The following GMNC variants were observed in gnomAD, a reference collection of about 807,000 sequenced individuals.
The protein encoded by GMNC is geminin coiled-coil domain-containing protein 1.
Under a neutral mutation model 33.6 loss-of-function variants are expected in GMNC, and 16 were observed. The observed-to-expected ratio is 0.48, with a 90% CI of 0.32 to 0.72. GMNC has a LOEUF of 0.72. GMNC is among the 30% of genes least tolerant of loss of function. The pLI is 0.03. For missense variants in GMNC, 393 were observed against 388.9 expected, an observed-to-expected ratio of 1.01 and a Z score of -0.09; for synonymous variants, 156 against 147.3, an observed-to-expected ratio of 1.06 and a Z score of -0.43.
At chr3:190,858,720 T>G (rs1006616785) in intron 3 of GMNC, among the ~76,000 whole-genome samples, 1 of 152,210 alleles carries the variant, frequency 6.6e-6, no homozygotes, top group Non-Finnish European at 1.5e-5. Context: ...AAGTGAGAGC[T>G]TGACTGCAGG....
rs2108534808 is a variant in GMNC at position 190,861,974 on chromosome 3, AAAGTT to A, written c.3+634_3+638del. Among the ~76,000 whole-genome samples the A allele has an allele frequency of 6.6e-6, 1 of 152,304 alleles. No homozygotes were observed. The highest frequency in any genetic ancestry group is 2.4e-5 in the African/African-American group (1 of 41,560). Reference sequence around the variant, plus strand: ...CAAATAAGAAGAAAAAAGAGAAAAAAAAGTTAAGTCAATTCAATCGCACTTTGTTA... The same window carrying A: ...CAAATAAGAAGAAAAAAGAGAAAAAAAAGTCAATTCAATCGCACTTTGTTA... On this transcript the variant is annotated intron_variant, in intron 1 of 4. Transcript: ENST00000442080. This position sits in a 1 kb window ranked among gnomAD's most constrained non-coding sequence, Gnocchi z 5.1.
chr3:190,855,777 C>A lies in GMNC; in HGVS notation c.523G>T (p.Ala175Ser), dbSNP rs1737720986. 4 of 1,551,470 alleles carry A rather than the reference C, an allele frequency of 2.6e-6. No homozygotes were observed. Among genetic ancestry groups the A allele is most frequent in the Non-Finnish European group, 3.5e-6 (4 of 1,146,894 alleles). ...GGCCCAGCTTGTTCTTCACAGTTAG[C>A]AAATTCACTAGAGAGGTTTCTTTTG... The part of the protein sequence containing the change: ...NAKRNLSSEF[A>S]NCEEQAGPPV... Residue 175 changes from alanine to serine, a missense_variant, in exon 5 of 5, where the codon GCT (alanine) becomes TCT (serine). By Grantham distance (99) the Ala-to-Ser change is moderately conservative (BLOSUM62 1). Coordinates refer to ENST00000442080, the MANE Select transcript of GMNC (RefSeq NM_001146686.3).
downstream of GMNC, among the ~76,000 whole-genome samples, chr3:190,850,796 C>T (rs73059935): frequency 8.6e-3 from 1,316 of 152,178 alleles, 19 homozygotes; most frequent in African/African-American, 0.03. Flanking sequence ...TATCTTGGGC[C>T]TCAACTATTG....
chr3:190,853,886 T>A lies in GMNC; in HGVS notation c.*1409A>T, dbSNP rs1737677737. ...CCTTGATAGCAATATTTATATGCAA[T>A]CTATCCGCACTTATTTAAAAATTAA... On this transcript the variant is annotated 3_prime_UTR_variant, in exon 5 of 5. Transcript: ENST00000442080. The A allele has an allele frequency of 6.6e-6, 1 of 152,166 alleles. No homozygotes were observed. Among genetic ancestry groups the A allele is most frequent in the Admixed American group, 6.5e-5 (1 of 15,274 alleles). The allele number at this position is 152,166 out of a possible 1,614,324, so 9.4% of individuals were successfully genotyped here. A position where few individuals can be genotyped will look rare whatever the true frequency, so the allele number is the denominator to read the frequency against.
chr3:190,862,507 G>T lies in GMNC; in HGVS notation c.3+106C>A. 1 of 837,440 alleles carries T rather than the reference G, an allele frequency of 1.2e-6. No individual in the cohort carries two copies. The highest frequency in any genetic ancestry group is 2.0e-6 in the Non-Finnish European group (1 of 494,324). 51.9% of individuals were successfully genotyped at this position (837,440 alleles called of 1,614,324 possible). ...GGATCTGTTTTAACTGGCGGGTAGC[G>T]GAGAAATCTTGCTCCGAAGGTGGAA... On this transcript the variant is annotated intron_variant, in intron 1 of 4. Transcript: ENST00000442080. This position sits in a 1 kb window ranked among gnomAD's most constrained non-coding sequence, Gnocchi z 4.5.
chr3:190,858,160 C>T (rs1043028168), intron 3 of GMNC: 14 of 372,580 alleles, frequency 3.8e-5, no homozygotes, highest in African/African-American at 1.2e-4. Context: ...TAACCACAAG[C>T]GAATCAGGTA....
In GMNC at chr3:190,860,777, A is replaced by T. The variant is rs13075089; in HGVS notation, c.85T>A (p.Ser29Thr). The T allele has an allele frequency of 6.4e-7, 1 of 1,550,798 alleles. No individual in the cohort carries two copies. Among genetic ancestry groups the T allele is most frequent in the Non-Finnish European group, 8.7e-7 (1 of 1,146,608 alleles). The change falls in exon 2 of 5, where the codon TCT (serine) becomes ACT (threonine). Residue 29 changes from serine to threonine, a missense_variant. Ser to Thr is a moderately conservative substitution (Grantham distance 58). Transcript: ENST00000442080. Reference sequence around the variant, plus strand: ...GTCTCCGTGGAAACGTCAACACTAGATTCTGACGTTGTAGTGGAATACGGG... The same window carrying T: ...GTCTCCGTGGAAACGTCAACACTAGTTTCTGACGTTGTAGTGGAATACGGG... ...NCPYSTTTSE[S>T]SVDVSTETWV...
At chr3:190,848,373 C>T (rs1275371065), downstream of GMNC, among the ~76,000 whole-genome samples, 2 of 152,158 alleles carry the variant, frequency 1.3e-5, no homozygotes, top group Non-Finnish European at 2.9e-5. Context: ...TTTTGTTCTA[C>T]CTCTATGTCT....
At chr3:190,847,654 A>G in the GMNC span, among the ~76,000 whole-genome samples, 1 of 152,090 alleles carries the variant, frequency 6.6e-6, no homozygotes, top group Non-Finnish European at 1.5e-5. Context: ...GTGACTATAT[A>G]AGGAAAAAAG....
At chr3:190,843,813 C>T in the GMNC span, among the ~76,000 whole-genome samples, 2 of 152,182 alleles carry the variant, frequency 1.3e-5, no homozygotes, top group African/African-American at 4.8e-5. Flanking sequence ...TCTTTCTCCA[C>T]ATTTCTTGAT....
chr3:190,859,347 G>A (rs997919755), intron 2 of GMNC, among the ~76,000 whole-genome samples: 1 of 117,688 alleles, frequency 8.5e-6, no homozygotes, highest in African/African-American at 5.0e-5. Flanking sequence ...AATACTTATT[G>A]ATCTCCCCCA....
At chr3:190,846,680 CA>C in the GMNC span, among the ~76,000 whole-genome samples, 1 of 152,138 alleles carries the variant, frequency 6.6e-6, no homozygotes, top group Non-Finnish European at 1.5e-5. Context: ...CAGTTCATCT[CA>C]AAAAGCCTAC....
In GMNC at chr3:190,855,163, T is replaced by G; in HGVS notation, c.*132A>C. On this transcript the variant is annotated 3_prime_UTR_variant, in exon 5 of 5. Transcript: ENST00000442080. ...TTCCCTGCAGATTTAAGTGGGTAAT[T>G]GAGAGTGACATTTAAAGTGGCAGGA... The G allele has an allele frequency of 1.1e-6, 1 of 879,278 alleles. No individual in the cohort carries two copies. Among genetic ancestry groups the G allele is most frequent in the African/African-American group, 1.7e-5 (1 of 58,830 alleles). 54.5% of individuals were successfully genotyped at this position (879,278 alleles called of 1,614,324 possible).
chr3:190,847,483 A>T, the GMNC span, among the ~76,000 whole-genome samples: 1 of 152,148 alleles, frequency 6.6e-6, no homozygotes, highest in Non-Finnish European at 1.5e-5. Flanking sequence ...GGGAACATAA[A>T]GTTAAGATGT....
downstream of GMNC, among the ~76,000 whole-genome samples, chr3:190,848,556 T>C (rs2108527224): frequency 6.6e-6 from 1 of 152,340 alleles, no homozygotes; most frequent in Admixed American, 6.5e-5. Context: ...AGTGGGCATT[T>C]GTTGAATTTC....
chr3:190,848,210 T>A (rs1184688150), downstream of GMNC, among the ~76,000 whole-genome samples: 1 of 152,214 alleles, frequency 6.6e-6, no homozygotes, highest in Non-Finnish European at 1.5e-5. Context: ...CTTTTATTAT[T>A]GATAAAACAT....
chr3:190,849,161 G>A (rs1030053353), downstream of GMNC, among the ~76,000 whole-genome samples: 2 of 152,158 alleles, frequency 1.3e-5, no homozygotes, highest in African/African-American at 4.8e-5. Context: ...TGGAAATTTG[G>A]AGGGAGGACA....
At position 190,853,380 on chromosome 3, in the gene GMNC, A is replaced by G. The variant is rs1400114174; in HGVS notation, c.*1915T>C. ...CCAGGGGCCCAGATACCAGAATGTA[A>G]AAGGCACAGTTATTTATTTTATTTT... is the stretch of plus-strand genomic sequence containing the variant. On this transcript the variant is annotated 3_prime_UTR_variant, in exon 5 of 5. Transcript: ENST00000442080. 1.3e-5 allele frequency: 2 copies of G among 152,140 alleles called. No individual in the cohort carries two copies. The highest frequency in any genetic ancestry group is 2.9e-5 in the Non-Finnish European group (2 of 67,988). The allele number at this position is 152,140 out of a possible 1,614,324, so 9.4% of individuals were successfully genotyped here.
rs144398604 is a variant in GMNC, at chr3:190,860,089, A to G, written c.178+595T>C. ...GGGGTGTCTGAGAATTCTTTAAGAAACTTGAGTGTTTAACACAGACATTTC... is the reference window on the plus strand; with the variant it reads ...GGGGTGTCTGAGAATTCTTTAAGAAGCTTGAGTGTTTAACACAGACATTTC... On this transcript the variant is annotated intron_variant, in intron 2 of 4. Coordinates refer to ENST00000442080, the MANE Select transcript of GMNC (RefSeq NM_001146686.3). Among the ~76,000 whole-genome samples, 963 of 152,298 alleles carry G rather than the reference A, an allele frequency of 6.3e-3. 4 individuals carry two copies. The highest frequency in any genetic ancestry group is 0.011 in the Non-Finnish European group (776 of 68,016).
Sources: gnomAD v4.1 joint callset for allele counts (sites outside exome capture counted in the v4.1 genomes callset) on GRCh38, gnomAD v4.1.1 for gene constraint, Gnocchi (gnomAD v3.1) non-coding constraint, MANE v1.5 for transcripts, NCBI Gene and HGNC (gene_info 2026-07-23, HGNC 2026-07-21) for gene names.